The following NOM1 variants were observed in gnomAD, a reference collection of about 807,000 sequenced individuals.
NOM1 encodes nucleolar MIF4G domain-containing protein 1.
A neutral mutation model predicts 73.3 loss-of-function variants in NOM1; 58 were observed. The ratio of observed to expected loss-of-function variants is 0.79; its 90% confidence interval spans 0.64 to 0.99. The LOEUF (loss-of-function observed/expected upper bound fraction) is 0.99, where lower values mean the gene tolerates loss of function less well. Ranked by LOEUF, NOM1 falls within the 50% of genes least tolerant of loss-of-function variation. The pLI is 0.00. For missense variants in NOM1, 1,226 were observed against 1,131.9 expected, an observed-to-expected ratio of 1.08 and a Z score of -1.19; for synonymous variants, 487 against 446.8, an observed-to-expected ratio of 1.09 and a Z score of -1.14.
chr7:156,969,022 A>G (rs1328067670), intron 9 of NOM1, 65 bp from the exon 10 acceptor site: 3 of 864,998 alleles, frequency 3.5e-6, no homozygotes, highest in Non-Finnish European at 5.9e-6. Context: ...TAACTATATT[A>G]CAAATCATTG....
chr7:156,954,271 C>A lies in NOM1; in HGVS notation c.1281C>A (p.Ser427Arg). The change falls in exon 3 of 11, where the codon AGC becomes AGA. Residue 427 changes from serine (S) to arginine (R), a missense_variant. By Grantham distance (110) the Ser-to-Arg change is moderately radical (BLOSUM62 -1). Transcript: ENST00000275820. ...TGATGGAGCATGTTCTCTTAGTCAG[C>A]ATCCTTCACCACACAGTTGGAATCG... ...RLMMEHVLLV[S>R]ILHHTVGIEV... 1 of 1,603,090 alleles carries A rather than the reference C, an allele frequency of 6.2e-7. No individual in the cohort carries two copies. The highest frequency in any genetic ancestry group is 8.5e-7 in the Non-Finnish European group (1 of 1,175,418).
At chr7:156,957,781 A>C (rs1485843058) in intron 3 of NOM1, among the ~76,000 whole-genome samples, 1 of 121,870 alleles carries the variant, frequency 8.2e-6, no homozygotes, top group African/African-American at 2.9e-5. Context: ...TCTCAAAAAA[A>C]AAAAAAAAAA....
intron 3 of NOM1, among the ~76,000 whole-genome samples, chr7:156,956,996 C>A (rs558554676): frequency 1.3e-5 from 2 of 151,188 alleles, no homozygotes; most frequent in African/African-American, 4.9e-5. Flanking sequence ...AGCCACAGAC[C>A]GTGACCACCC....
chr7:156,953,389 A>G lies in NOM1; in HGVS notation c.1113-714A>G, dbSNP rs570106659. ...GTGATCCGCCCGCCTCAGCCTCCGA[A>G]AGTGCTGGGATTACAGGCATGAGTC... On this transcript the variant is annotated intron_variant, in intron 2 of 10. Coordinates refer to ENST00000275820, the MANE Select transcript of NOM1 (RefSeq NM_138400.2). 3.4e-4 allele frequency among the ~76,000 whole-genome samples: 52 copies of G among 152,132 alleles called. 1 individual carries two copies. The highest frequency in any genetic ancestry group is 1.1e-3 in the African/African-American group (45 of 41,496).
intron 10 of NOM1, 57 bp downstream of exon 10, chr7:156,969,253 A>C (rs1296445142): frequency 7.3e-5 from 73 of 999,018 alleles, no homozygotes; most frequent in Non-Finnish European, 1.1e-4. Context: ...GATTGTTTTC[A>C]CTTGTGTTGA....
chr7:156,967,549 C>CA (rs901736484), intron 9 of NOM1, among the ~76,000 whole-genome samples: 4 of 152,056 alleles, frequency 2.6e-5, no homozygotes, highest in African/African-American at 9.7e-5. Context: ...TCTTCCCCCC[C>CA]CAAGATGGGA....
intron 6 of NOM1, 21 bp downstream of exon 6, chr7:156,963,196 G>A (rs564466837): frequency 1.2e-6 from 2 of 1,613,686 alleles, no homozygotes; most frequent in South Asian, 2.2e-5. Flanking sequence ...CCATGCTCAA[G>A]GCTGCCAGGC....
In NOM1 at chr7:156,966,361, T is replaced by G; in HGVS notation, c.2125T>G (p.Phe709Val). The G allele has an allele frequency of 6.2e-7, 1 of 1,614,238 alleles. No individual in the cohort carries two copies. Among genetic ancestry groups the G allele is most frequent in the East Asian group, 2.2e-5 (1 of 44,892 alleles). The change falls in exon 8 of 11, where the codon TTC becomes GTC. Residue 709 changes from phenylalanine (F) to valine (V), a missense_variant. Transcript: ENST00000275820. The part of the protein sequence containing the change: ...QEKTYNPFYA[F>V]LASKFCEYER... ...GAAAACTTACAATCCCTTCTATGCTTTCCTGGCTAGCAAATTCTGTGAATA... is the reference window on the plus strand; with the variant it reads ...GAAAACTTACAATCCCTTCTATGCTGTCCTGGCTAGCAAATTCTGTGAATA...
chr7:156,965,866 G>A (rs1264516115), intron 7 of NOM1, among the ~76,000 whole-genome samples: 1 of 152,248 alleles, frequency 6.6e-6, no homozygotes, highest in East Asian at 1.9e-4. Context: ...GTGAGCTGAA[G>A]TCATGCCACT....
chr7:156,966,472 C>T, intron 8 of NOM1, 70 bp downstream of exon 8: 3 of 1,576,732 alleles, frequency 1.9e-6, no homozygotes, highest in Non-Finnish European at 1.7e-6. Context: ...CTGGCTCAAC[C>T]CACCTGCAAA....
In NOM1 at chr7:156,949,850, GGGA is replaced by G; in HGVS notation, c.115_117del (p.Glu39del). 1 of 1,471,212 alleles carries G rather than the reference GGGA, an allele frequency of 6.8e-7. No homozygotes were observed. Among genetic ancestry groups the G allele is most frequent in the Non-Finnish European group, 9.0e-7 (1 of 1,111,602 alleles). 91.1% of individuals were successfully genotyped at this position (1,471,212 alleles called of 1,614,324 possible). On this transcript the variant is annotated inframe_deletion, in exon 1 of 11. Coordinates refer to ENST00000275820, the MANE Select transcript of NOM1 (RefSeq NM_138400.2). ...CCGCGCCGCGGTCCTGCTGGCGGTG[GGGA>G]GAAGGCCCTGAAGAGGCTGAAGCTA... is the stretch of plus-strand genomic sequence containing the variant.
intron 1 of NOM1, among the ~76,000 whole-genome samples, chr7:156,951,599 G>A (rs1174857643): frequency 6.6e-6 from 1 of 152,102 alleles, no homozygotes. Context: ...TATTGAACCA[G>A]GTTTAAACTA....
At position 156,963,185 on chromosome 7, in the gene NOM1, C is replaced by G; in HGVS notation, c.1911+10C>G. On this transcript the variant is annotated intron_variant, in intron 6 of 10. Coordinates refer to ENST00000275820, the MANE Select transcript of NOM1 (RefSeq NM_138400.2). ...GCAGCTTGTGGGGACGGTAGGGACA[C>G]CCATGCTCAAGGCTGCCAGGCAGAG... 1 of 1,613,878 alleles carries G rather than the reference C, an allele frequency of 6.2e-7. No individual in the cohort carries two copies. Among genetic ancestry groups the G allele is most frequent in the Middle Eastern group, 1.6e-4 (1 of 6,062 alleles).
At chr7:156,961,365 C>T (rs376702390) in intron 4 of NOM1, among the ~76,000 whole-genome samples, 21 of 152,090 alleles carry the variant, frequency 1.4e-4, no homozygotes, top group African/African-American at 4.3e-4. Context: ...TCCTGGTCCC[C>T]GGAGAAGCCA....
intron 3 of NOM1, among the ~76,000 whole-genome samples, chr7:156,958,168 T>C (rs1198179068): frequency 6.6e-6 from 1 of 152,132 alleles, no homozygotes; most frequent in Non-Finnish European, 1.5e-5. Flanking sequence ...CAGCCTTGCC[T>C]GCGATTTTCA....
In NOM1 at chr7:156,950,343, CG is replaced by C. The variant is rs776777352; in HGVS notation, c.608del (p.Gly203AlafsTer7). On this transcript the variant is annotated frameshift_variant, in exon 1 of 11. Transcript: ENST00000275820. LOFTEE classifies it high-confidence loss of function. The part of the protein sequence containing the change: ...LGLNKRKKKD[G>X]SSSVPLSFAR... ...GTTTGAACAAGCGCAAAAAGAAGGA[CG>C]GCAGCAGCTCCGTGCCGCTGAGCTT... 1.2e-6 allele frequency: 2 copies of C among 1,613,974 alleles called. No individual in the cohort carries two copies. Among genetic ancestry groups the C allele is most frequent in the African/African-American group, 2.7e-5 (2 of 74,920 alleles).
Position 156,962,226 on chromosome 7 carries a change from C to T in NOM1, c.1708C>T (p.Pro570Ser), listed in dbSNP as rs371452592. 4.3e-6 allele frequency: 7 copies of T among 1,613,940 alleles called. No homozygotes were observed. Among genetic ancestry groups the T allele is most frequent in the Admixed American group, 1.7e-5 (1 of 60,002 alleles). Residue 570 changes from proline (P) to serine (S), a missense_variant, in exon 5 of 11, where the codon CCC (proline) becomes TCC (serine). Physicochemically the swap from Pro to Ser is moderately conservative, Grantham distance 74. Transcript: ENST00000275820. ...MRKIPGYDPE[P>S]VEKLRKLQRA... Reference sequence around the variant, plus strand: ...CAAAATTCCAGGCTATGACCCCGAGCCCGTGGAGAAGCTGAGGAAACTGCA... The same window carrying T: ...CAAAATTCCAGGCTATGACCCCGAGTCCGTGGAGAAGCTGAGGAAACTGCA...
rs771045272 is a variant in NOM1 at position 156,950,263 on chromosome 7, T to C, written c.526T>C (p.Leu176=). The C allele has an allele frequency of 1.2e-6, 2 of 1,613,848 alleles. No individual in the cohort carries two copies. The highest frequency in any genetic ancestry group is 1.7e-6 in the Non-Finnish European group (2 of 1,179,798). The change falls in exon 1 of 11, where the codon TTA becomes CTA. Residue 176 remains leucine, a synonymous_variant. Coordinates refer to ENST00000275820, the MANE Select transcript of NOM1 (RefSeq NM_138400.2). ...CGCCGCTGCCCGGAAACGGGCGCTT[T>C]TAGCGGCGAACGAGGAGGAGGACCG... ...ATAAARKRAL[L]AANEEEDREI...
Position 156,949,831 on chromosome 7 carries a change from C to A in NOM1, c.94C>A (p.Arg32Ser). ...GCGCAGAGGCGGGCGCGGGCCGCGC[C>A]GCGGTCCTGCTGGCGGTGGGGAGAA... ...MKRRGGRGPR[R>S]GPAGGGEKAL... Residue 32 changes from arginine (R) to serine (S), a missense_variant, in exon 1 of 11, where the codon CGC (arginine) becomes AGC (serine). Coordinates refer to ENST00000275820, the MANE Select transcript of NOM1 (RefSeq NM_138400.2). The A allele has an allele frequency of 2.1e-6, 3 of 1,449,934 alleles. No homozygotes were observed. The highest frequency in any genetic ancestry group is 1.8e-4 in the Middle Eastern group (1 of 5,468). The allele number at this position is 1,449,934 out of a possible 1,614,324, so 89.8% of individuals were successfully genotyped here. A position where few individuals can be genotyped will look rare whatever the true frequency, so the allele number is the denominator to read the frequency against.
Sources: gnomAD v4.1 joint callset for allele counts (sites outside exome capture counted in the v4.1 genomes callset) on GRCh38, gnomAD v4.1.1 for gene constraint, MANE v1.5 for transcripts, NCBI Gene and HGNC (gene_info 2026-07-23, HGNC 2026-07-21) for gene names.